The following FAM120A variants were observed in gnomAD, a reference collection of about 807,000 sequenced individuals.
FAM120A encodes the protein constitutive coactivator of PPAR-gamma-like protein 1.
Under a neutral mutation model 109.7 loss-of-function variants are expected in FAM120A, and 15 were observed. The observed-to-expected ratio is 0.14, with a 90% CI of 0.09 to 0.21. The LOEUF (loss-of-function observed/expected upper bound fraction) is 0.21, where lower values mean the gene tolerates loss of function less well. Among genes scored for constraint, FAM120A ranks in the 10% least tolerant of loss-of-function variants. The pLI is 1.00. For missense variants in FAM120A, 899 were observed against 1,439.3 expected (o/e 0.62, Z 6.07); for synonymous variants, 493 against 572.8 (o/e 0.86, Z 1.99).
intron 12 of FAM120A, among the ~76,000 whole-genome samples, chr9:93,553,817 G>A (rs1256247028): frequency 2.6e-5 from 4 of 152,022 alleles, no homozygotes; most frequent in African/African-American, 9.7e-5. Context: ...AGATGGCAGT[G>A]AGATAATGAA....
At chr9:93,508,973 A>G (rs1860193950) in intron 5 of FAM120A, among the ~76,000 whole-genome samples, 1 of 152,218 alleles carries the variant, frequency 6.6e-6, no homozygotes, top group East Asian at 1.9e-4. Flanking sequence ...CAGATGACTG[A>G]TCCTAAGCTG....
At chr9:93,492,963 C>T (rs114594158) in intron 3 of FAM120A, among the ~76,000 whole-genome samples, 3 of 152,158 alleles carry the variant, frequency 2.0e-5, no homozygotes, top group Non-Finnish European at 4.4e-5. Context: ...TGTAAGCCAT[C>T]GTCATGGGCT....
rs1426702509 is a variant in FAM120A, at chr9:93,565,745, T to C, written c.*1205T>C. 6.6e-6 allele frequency: 1 copy of C among 152,284 alleles called. No individual in the cohort carries two copies. Among genetic ancestry groups the C allele is most frequent in the Non-Finnish European group, 1.5e-5 (1 of 67,970 alleles). 9.4% of individuals were successfully genotyped at this position (152,284 alleles called of 1,614,324 possible). A position where few individuals can be genotyped will look rare whatever the true frequency, so the allele number is the denominator to read the frequency against. On this transcript the variant is annotated 3_prime_UTR_variant, in exon 18 of 18. Transcript: ENST00000277165. ...TCTGTAGCAGGAAACAAATTGCTTGTTCTTGAGAACTTTCCCATCAAGAAT... is the reference window on the plus strand; with the variant it reads ...TCTGTAGCAGGAAACAAATTGCTTGCTCTTGAGAACTTTCCCATCAAGAAT...
chr9:93,496,596 T>C (rs1451098445), intron 3 of FAM120A, among the ~76,000 whole-genome samples: 1 of 152,202 alleles, frequency 6.6e-6, no homozygotes, highest in African/African-American at 2.4e-5. Flanking sequence ...ACTGCCTCCT[T>C]TCTCCACATT....
In FAM120A at chr9:93,561,202, G is replaced by A. The variant is rs765247935; in HGVS notation, c.2900G>A (p.Arg967Gln). Reference sequence around the variant, plus strand: ...GGGAGCAGGCGGGGCCGTGGGGGCCGGGGGCCTTTCCCCCTGCAGGTGGTT... The same window carrying A: ...GGGAGCAGGCGGGGCCGTGGGGGCCAGGGGCCTTTCCCCCTGCAGGTGGTT... ...WAGSRRGRGG[R>Q]GPFPLQVVSV... The change falls in exon 16 of 18, where the codon CGG becomes CAG. Residue 967 changes from arginine (R) to glutamine (Q), a missense_variant. This residue lies in a region of FAM120A where 170 missense variants were observed against 205.0 expected (regional missense o/e 0.83). Transcript: ENST00000277165. The A allele has an allele frequency of 8.7e-6, 14 of 1,612,378 alleles. No individual in the cohort carries two copies. In the South Asian group the frequency reaches 9.9e-5, roughly 11 times the overall value.
chr9:93,532,055 C>A lies in FAM120A; in HGVS notation c.1735-100C>A. On this transcript the variant is annotated intron_variant, in intron 9 of 17. Transcript: ENST00000277165. The surrounding 1 kb of genome is among the most constrained non-coding windows in gnomAD (Gnocchi z 4.3). ...AAGCAGTTGATTTGGAATGGAATTGCAATGTCATTAACTGGAGATAATACA... is the reference window on the plus strand; with the variant it reads ...AAGCAGTTGATTTGGAATGGAATTGAAATGTCATTAACTGGAGATAATACA... 2 of 1,112,926 alleles carry A rather than the reference C, an allele frequency of 1.8e-6. No individual in the cohort carries two copies. The highest frequency in any genetic ancestry group is 2.6e-6 in the Non-Finnish European group (2 of 765,234). The allele number at this position is 1,112,926 out of a possible 1,614,324, so 68.9% of individuals were successfully genotyped here.
intron 15 of FAM120A, 53 bp from the exon 16 acceptor site, chr9:93,561,056 T>C: frequency 3.2e-6 from 5 of 1,587,046 alleles, no homozygotes; most frequent in Non-Finnish European, 4.3e-6. Flanking sequence ...CTTTTTGCTA[T>C]TCTTAATTCT....
chr9:93,499,173 G>A (rs570438244), intron 5 of FAM120A, among the ~76,000 whole-genome samples: 51 of 152,202 alleles, frequency 3.4e-4, no homozygotes, highest in African/African-American at 1.1e-3. Flanking sequence ...TGAGATATCC[G>A]CTTCTAAATA....
chr9:93,515,323 C>T (rs991081703), intron 5 of FAM120A, among the ~76,000 whole-genome samples: 10 of 152,274 alleles, frequency 6.6e-5, no homozygotes, highest in African/African-American at 1.9e-4. Context: ...CAGCCCTGAG[C>T]AGGGAGACTG....
chr9:93,563,895 C>T (rs952349715), intron 17 of FAM120A, among the ~76,000 whole-genome samples: 3 of 152,160 alleles, frequency 2.0e-5, no homozygotes, highest in Non-Finnish European at 2.9e-5. Flanking sequence ...TGGGAACAGT[C>T]GCAATTTTAG....
At chr9:93,506,200 T>A (rs1326892725) in intron 5 of FAM120A, among the ~76,000 whole-genome samples, 1 of 152,226 alleles carries the variant, frequency 6.6e-6, no homozygotes, top group African/African-American at 2.4e-5. Context: ...ATGATCCTTG[T>A]GGAGATTTTG....
intron 1 of FAM120A, among the ~76,000 whole-genome samples, chr9:93,456,788 A>G (rs1183915231): frequency 6.6e-6 from 1 of 152,174 alleles, no homozygotes; most frequent in Non-Finnish European, 1.5e-5. Flanking sequence ...GTCAATTACG[A>G]TAGCTAACTG....
rs763685471 is a variant in FAM120A, at chr9:93,476,281, T to C, written c.747T>C (p.Asp249=). ...GAAATCACATTCTGCCTGATGAAGA[T>C]CTGGCTTCCTTTCACTGGAGTTTAC... is the stretch of plus-strand genomic sequence containing the variant. ...LLGNHILPDE[D]LASFHWSLLG... The change falls in exon 3 of 18, where the codon GAT becomes GAC. Residue 249 remains aspartate, a synonymous_variant. Transcript: ENST00000277165. 6.2e-7 allele frequency: 1 copy of C among 1,609,392 alleles called. No homozygotes were observed. Among genetic ancestry groups the C allele is most frequent in the South Asian group, 1.1e-5 (1 of 91,004 alleles).
intron 11 of FAM120A, among the ~76,000 whole-genome samples, chr9:93,545,585 G>T (rs1422208629): frequency 6.6e-6 from 1 of 152,134 alleles, no homozygotes; most frequent in Non-Finnish European, 1.5e-5. Flanking sequence ...CTCCCACTGG[G>T]TCCCAACTAC....
At chr9:93,548,539 C>T (rs546344336) in intron 11 of FAM120A, among the ~76,000 whole-genome samples, 8 of 152,160 alleles carry the variant, frequency 5.3e-5, no homozygotes, top group African/African-American at 1.9e-4. Context: ...GTGCTTAATG[C>T]CACTGAACTG....
At position 93,494,767 on chromosome 9, in the gene FAM120A, C is replaced by G. The variant is rs189649872; in HGVS notation, c.805-2704C>G. 6.6e-3 allele frequency among the ~76,000 whole-genome samples: 1,001 copies of G among 152,210 alleles called. 14 individuals carry two copies. Among genetic ancestry groups the G allele is most frequent in the African/African-American group, 0.023 (967 of 41,526 alleles). ...TGCTCTTTCAGAAGCTCACCTAGGT[C>G]CTGGTAGGAAGACCTGCTTGTTTCA... On this transcript the variant is annotated intron_variant, in intron 3 of 17. Coordinates refer to ENST00000277165, the MANE Select transcript of FAM120A (RefSeq NM_014612.5).
chr9:93,497,639 G>T, intron 4 of FAM120A, 40 bp downstream of exon 4: 1 of 1,580,710 alleles, frequency 6.3e-7, no homozygotes, highest in Non-Finnish European at 8.6e-7. Flanking sequence ...ACAGATTCAT[G>T]GGATATGACG....
chr9:93,482,143 A>G (rs997319807), intron 3 of FAM120A, among the ~76,000 whole-genome samples: 7 of 151,124 alleles, frequency 4.6e-5, no homozygotes, highest in Non-Finnish European at 4.4e-5. Flanking sequence ...ACCGGGGGCA[A>G]TCTATCAGGC....
At chr9:93,540,684 G>A (rs575904085) in intron 10 of FAM120A, among the ~76,000 whole-genome samples, 4 of 152,286 alleles carry the variant, frequency 2.6e-5, no homozygotes, top group South Asian at 4.1e-4. Context: ...GAGCTCTAAT[G>A]TGGAGAGTTG....
Sources: gnomAD v4.1 joint callset for allele counts (sites outside exome capture counted in the v4.1 genomes callset) on GRCh38, gnomAD v4.1.1 for gene constraint, gnomAD v4.1.1 regional missense constraint, Gnocchi (gnomAD v3.1) non-coding constraint, MANE v1.5 for transcripts, NCBI Gene and HGNC (gene_info 2026-07-23, HGNC 2026-07-21) for gene names.